Variants in ST3GAL5 observed in about 807,000 individuals in gnomAD.
ST3GAL5 encodes the protein lactosylceramide alpha-2,3-sialyltransferase.
ST3GAL5 carries 25 observed loss-of-function variants against 46.1 expected under a neutral mutation model. That is an observed-to-expected ratio of 0.54 (90% CI 0.40 to 0.76). ST3GAL5 has a LOEUF of 0.76. Among genes scored for constraint, ST3GAL5 ranks in the 30% least tolerant of loss-of-function variants. The probability of loss-of-function intolerance (pLI) is 0.00; values close to 1 mark genes in which losing one functional copy is unlikely to be tolerated. For synonymous variants in ST3GAL5, 182 were observed against 192.7 expected (o/e 0.94, Z 0.46); for missense variants, 431 against 521.2 (o/e 0.83, Z 1.69).
At chr2:85,880,363 C>T (rs542168360) in intron 1 of ST3GAL5, among the ~76,000 whole-genome samples, 2 of 152,316 alleles carry the variant, frequency 1.3e-5, no homozygotes, top group East Asian at 3.9e-4. Flanking sequence ...TTTTACACCC[C>T]ACTCACATCT....
chr2:85,871,277 A>C (rs1455108983), intron 1 of ST3GAL5, among the ~76,000 whole-genome samples: 1 of 152,164 alleles, frequency 6.6e-6, no homozygotes, highest in African/African-American at 2.4e-5. Flanking sequence ...TGTGTTGGGA[A>C]TATTTCAAAT....
At chr2:85,868,461 C>A (rs1046156999) in intron 1 of ST3GAL5, among the ~76,000 whole-genome samples, 1 of 150,608 alleles carries the variant, frequency 6.6e-6, no homozygotes, top group Non-Finnish European at 1.5e-5. Flanking sequence ...ACCACCATGC[C>A]GAGTTAATTT....
At position 85,838,371 on chromosome 2, in the gene ST3GAL5, G is replaced by C. The variant is rs76799954; in HGVS notation, c.*1773C>G. 6.6e-6 allele frequency: 1 copy of C among 152,218 alleles called. No homozygotes were observed. Among genetic ancestry groups the C allele is most frequent in the African/African-American group, 2.4e-5 (1 of 41,512 alleles). 9.4% of individuals were successfully genotyped at this position (152,218 alleles called of 1,614,324 possible). A position where few individuals can be genotyped will look rare whatever the true frequency, so the allele number is the denominator to read the frequency against. On this transcript the variant is annotated 3_prime_UTR_variant, in exon 7 of 7. Coordinates refer to ENST00000638572, the MANE Select transcript of ST3GAL5 (RefSeq NM_003896.4). The stretch of plus-strand genomic sequence containing the variant: ...TAAGAACGTTGTCTGAGGAAGTTCC[G>C]GCTTCTCCAATAACCCCCTGAGGGA...
intron 1 of ST3GAL5, chr2:85,866,183 C>T (rs919622439): frequency 6.6e-6 from 1 of 152,242 alleles, no homozygotes; most frequent in Non-Finnish European, 1.5e-5. Flanking sequence ...TGTTTGCTAT[C>T]TTCACCTCAA....
intron 1 of ST3GAL5, among the ~76,000 whole-genome samples, chr2:85,864,740 G>A (rs774852529): frequency 8.5e-5 from 13 of 152,080 alleles, no homozygotes; most frequent in African/African-American, 2.2e-4. Context: ...GGATTGGTCC[G>A]TCTCCCCCAT....
In ST3GAL5 at chr2:85,847,866, CACA is replaced by C; in HGVS notation, c.654_656del (p.Val219del). The C allele has an allele frequency of 6.2e-7, 1 of 1,613,808 alleles. No homozygotes were observed. The highest frequency in any genetic ancestry group is 8.5e-7 in the Non-Finnish European group (1 of 1,179,992). On this transcript the variant is annotated inframe_deletion, in exon 4 of 7. Coordinates refer to ENST00000638572, the MANE Select transcript of ST3GAL5 (RefSeq NM_003896.4). ...AACAAAAAAAACCAATGTACCTTATCACAACATCGAACTGGTTCAGGGTGTGGC... is the reference window on the plus strand; with the variant it reads ...AACAAAAAAAACCAATGTACCTTATCACATCGAACTGGTTCAGGGTGTGGC...
intron 1 of ST3GAL5, among the ~76,000 whole-genome samples, chr2:85,882,834 C>CAAAAA (rs71377050): frequency 0.024 from 3,183 of 132,210 alleles, 153 homozygotes; most frequent in African/African-American, 0.084. Context: ...GACTCTGTCT[C>CAAAAA]AAAAAAAAAA....
At position 85,888,868 on chromosome 2, in the gene ST3GAL5, G is replaced by A; in HGVS notation, c.38C>T (p.Pro13Leu). Residue 13 changes from proline (P) to leucine (L), a missense_variant, in exon 1 of 7, where the codon CCC (proline) becomes CTC (leucine). Transcript: ENST00000638572. ...CGCTGCCTCGGTCCGCGGCTGCAGG[G>A]GACGCCGCTCCGCGCAGCCCGCCGC... The part of the protein sequence containing the change: ...TKAAGCAERR[P>L]LQPRTEAAAA... 7.3e-7 allele frequency: 1 copy of A among 1,365,988 alleles called. No individual in the cohort carries two copies. Among genetic ancestry groups the A allele is most frequent in the Non-Finnish European group, 9.5e-7 (1 of 1,052,214 alleles). The allele number at this position is 1,365,988 out of a possible 1,614,324, so 84.6% of individuals were successfully genotyped here. A position where few individuals can be genotyped will look rare whatever the true frequency, so the allele number is the denominator to read the frequency against.
rs144901071 is a variant in ST3GAL5, at chr2:85,842,437, T to C, written c.1008+1959A>G. Among the ~76,000 whole-genome samples the C allele has an allele frequency of 7.3e-3, 1,112 of 152,296 alleles. 12 individuals carry two copies. The highest frequency in any genetic ancestry group is 0.026 in the African/African-American group (1,065 of 41,560). ...AACTCCCCAAAGCATGTCATCTCTATAGCATGCCCTTTGAGATCACATCTC... is the reference window on the plus strand; with the variant it reads ...AACTCCCCAAAGCATGTCATCTCTACAGCATGCCCTTTGAGATCACATCTC... On this transcript the variant is annotated intron_variant, in intron 6 of 6. Transcript: ENST00000638572.
chr2:85,852,270 C>T (rs913456667), intron 3 of ST3GAL5, among the ~76,000 whole-genome samples: 11 of 152,186 alleles, frequency 7.2e-5, no homozygotes, highest in Non-Finnish European at 1.5e-4. Context: ...CCATGGATCA[C>T]GTGATCTGGG....
intron 2 of ST3GAL5, 96 bp downstream of exon 2, chr2:85,863,266 C>T (rs1240731099): frequency 1.9e-6 from 3 of 1,604,776 alleles, no homozygotes; most frequent in African/African-American, 1.3e-5. Flanking sequence ...GCCTCTCCAA[C>T]ATTAGCCATC....
At chr2:85,868,767 C>T (rs912589206) in intron 1 of ST3GAL5, among the ~76,000 whole-genome samples, 5 of 152,026 alleles carry the variant, frequency 3.3e-5, no homozygotes, top group South Asian at 4.1e-4. Context: ...TACAGGCATG[C>T]GCCACCACAC....
chr2:85,858,785 C>T (rs576799316), intron 3 of ST3GAL5, among the ~76,000 whole-genome samples: 51 of 152,352 alleles, frequency 3.3e-4, no homozygotes, highest in African/African-American at 1.2e-3. Context: ...GTCTGAACCT[C>T]TGGCTCATTG....
rs1324753455 is a variant in ST3GAL5 at position 85,861,668 on chromosome 2, AG to A, written c.207-377del. Among the ~76,000 whole-genome samples the A allele has an allele frequency of 6.6e-5, 10 of 151,706 alleles. No homozygotes were observed. The East Asian group carries it at 1.9e-3, about 29-fold the overall frequency. On this transcript the variant is annotated intron_variant, in intron 2 of 6. Coordinates refer to ENST00000638572, the MANE Select transcript of ST3GAL5 (RefSeq NM_003896.4). ...CTTAAAAAAAAAAAAAAAAAAGAAA[AG>A]AAAAGAAACAGTTTATTCACAGTAC...
chr2:85,848,460 G>A (rs1267405005), intron 3 of ST3GAL5: 13 of 1,374,002 alleles, frequency 9.5e-6, no homozygotes, highest in Admixed American at 2.1e-5. Flanking sequence ...AAGGACTCCC[G>A]CCTCCCACCC....
intron 1 of ST3GAL5, chr2:85,867,507 C>T (rs1253363377): frequency 1.0e-5 from 8 of 767,810 alleles, no homozygotes; most frequent in Non-Finnish European, 1.9e-5. Context: ...AAGGTATGTG[C>T]TCTGTGGTGG....
chr2:85,884,776 C>T lies in ST3GAL5; in HGVS notation c.82+4048G>A, dbSNP rs116630809. Among the ~76,000 whole-genome samples the T allele has an allele frequency of 2.2e-3, 332 of 152,184 alleles. 2 individuals carry two copies. The highest frequency in any genetic ancestry group is 7.6e-3 in the African/African-American group (317 of 41,520). ...GGAGAGAGGAAGGCTGAGGAAGAAACGACACGTGTAACAGAAAAACTGCCC... is the reference window on the plus strand; with the variant it reads ...GGAGAGAGGAAGGCTGAGGAAGAAATGACACGTGTAACAGAAAAACTGCCC... On this transcript the variant is annotated intron_variant, in intron 1 of 6. Coordinates refer to ENST00000638572, the MANE Select transcript of ST3GAL5 (RefSeq NM_003896.4).
Position 85,840,003 on chromosome 2 carries a change from A to G in ST3GAL5, c.*141T>C. The G allele has an allele frequency of 1.7e-5, 23 of 1,341,632 alleles. No individual in the cohort carries two copies. Among genetic ancestry groups the G allele is most frequent in the Non-Finnish European group, 2.3e-5 (23 of 984,500 alleles). 83.1% of individuals were successfully genotyped at this position (1,341,632 alleles called of 1,614,324 possible). ...GAAAAAAAAAGTGGGAAGAGCTAAA[A>G]TTTTTTTTGTGTTTTTAAATTAAAA... On this transcript the variant is annotated 3_prime_UTR_variant, in exon 7 of 7. Transcript: ENST00000638572.
intron 6 of ST3GAL5, among the ~76,000 whole-genome samples, chr2:85,841,130 C>T (rs1192936936): frequency 6.6e-6 from 1 of 151,712 alleles, no homozygotes; most frequent in African/African-American, 2.4e-5. Context: ...CGGTCCTTCC[C>T]AGGGCACAGT....
Sources: allele counts gnomAD v4.1 joint callset (sites outside exome capture counted in the v4.1 genomes callset), GRCh38; gene constraint gnomAD v4.1.1; transcripts MANE v1.5; gene names NCBI Gene and HGNC (gene_info 2026-07-23, HGNC 2026-07-21).